GNAO1: variants seen among roughly 807,000 people sequenced by gnomAD.
GNAO1 encodes the protein G protein subunit alpha o1.
For synonymous variants in GNAO1, 164 were observed against 180.7 expected (o/e 0.91, Z 0.74); for missense variants, 166 against 478.7 (o/e 0.35, Z 6.10).
Position 56,326,093 on chromosome 16 carries a change from A to G in GNAO1, c.304-2538A>G, listed in dbSNP as rs1343369238. On this transcript the variant is annotated intron_variant, in intron 3 of 8. Coordinates refer to ENST00000262493, the MANE Select transcript of GNAO1 (RefSeq NM_020988.3). The surrounding 1 kb of genome is among the most constrained non-coding windows in gnomAD (Gnocchi z 4.8). ...GACTGGAAGCTGGCCTGGGCTCCAC[A>G]GGACTCAGGGTCCAGCACACTCCTG... 6.6e-6 allele frequency among the ~76,000 whole-genome samples: 1 copy of G among 152,180 alleles called. No homozygotes were observed. The highest frequency in any genetic ancestry group is 1.5e-5 in the Non-Finnish European group (1 of 68,038).
intron 2 of GNAO1, among the ~76,000 whole-genome samples, chr16:56,194,849 A>G (rs1238790349): frequency 1.3e-5 from 2 of 152,224 alleles, no homozygotes; most frequent in Admixed American, 1.3e-4. Flanking sequence ...TTTTATTCAA[A>G]GAGAGCTGAG....
In GNAO1 at chr16:56,191,886, A is replaced by C; in HGVS notation, c.-350A>C. ...TCCGGCTGCGGCTCCAGCCTCGACTATTATTTTATTTATTTTGGGTCGTGC... is the reference window on the plus strand; with the variant it reads ...TCCGGCTGCGGCTCCAGCCTCGACTCTTATTTTATTTATTTTGGGTCGTGC... On this transcript the variant is annotated 5_prime_UTR_variant, in exon 1 of 9. Transcript: ENST00000262493. This position sits in a 1 kb window ranked among gnomAD's most constrained non-coding sequence, Gnocchi z 4.7. 1 of 198,636 alleles carries C rather than the reference A, an allele frequency of 5.0e-6. No individual in the cohort carries two copies. 12.3% of individuals were successfully genotyped at this position (198,636 alleles called of 1,614,324 possible).
At chr16:56,292,688 T>G (rs2587876) in intron 3 of GNAO1, among the ~76,000 whole-genome samples, 6,142 of 152,286 alleles carry the variant, frequency 0.04, 334 homozygotes, top group African/African-American at 0.11. Flanking sequence ...ATGGAGCTGT[T>G]CGCTGTCTTC....
At chr16:56,257,453 G>A (rs770767373) in intron 2 of GNAO1, among the ~76,000 whole-genome samples, 8 of 152,132 alleles carry the variant, frequency 5.3e-5, no homozygotes, top group Non-Finnish European at 8.8e-5. Flanking sequence ...TTAGTGTTCC[G>A]TGTGTCTGAC....
chr16:56,354,824 G>T lies in GNAO1; in HGVS notation c.878-42G>T, dbSNP rs143939694. ...GTCCCCAGCCCTGTCCACCCACAGC[G>T]CTCATCAGGGCCTCTCCCCGTTCTT... On this transcript the variant is annotated intron_variant, in intron 7 of 8. Transcript: ENST00000262493. This position sits in a 1 kb window ranked among gnomAD's most constrained non-coding sequence, Gnocchi z 4.3. The T allele has an allele frequency of 3.9e-6, 5 of 1,294,852 alleles. No homozygotes were observed. The South Asian group carries it at 6.1e-5, about 16-fold the overall frequency. 80.2% of individuals were successfully genotyped at this position (1,294,852 alleles called of 1,614,324 possible). A position where few individuals can be genotyped will look rare whatever the true frequency, so the allele number is the denominator to read the frequency against.
At position 56,351,762 on chromosome 16, in the gene GNAO1, G is replaced by T; in HGVS notation, c.877+225G>T. On this transcript the variant is annotated intron_variant, in intron 7 of 8. Coordinates refer to ENST00000262493, the MANE Select transcript of GNAO1 (RefSeq NM_020988.3). This position sits in a 1 kb window ranked among gnomAD's most constrained non-coding sequence, Gnocchi z 6.1. The stretch of plus-strand genomic sequence containing the variant: ...AAATGGCCCCTCCTAAGATATATGT[G>T]TTAGGACCAAGTGACTCAGGAGTGG... The T allele has an allele frequency of 1.9e-6, 1 of 528,060 alleles. No homozygotes were observed. Among genetic ancestry groups the T allele is most frequent in the African/African-American group, 1.9e-5 (1 of 52,532 alleles). 32.7% of individuals were successfully genotyped at this position (528,060 alleles called of 1,614,324 possible). A position where few individuals can be genotyped will look rare whatever the true frequency, so the allele number is the denominator to read the frequency against.
chr16:56,338,548 T>C (rs1056915833), intron 6 of GNAO1, among the ~76,000 whole-genome samples: 1 of 152,206 alleles, frequency 6.6e-6, no homozygotes, highest in Non-Finnish European at 1.5e-5. Flanking sequence ...GCTCATCTTT[T>C]TTCCCCCATG....
At chr16:56,214,001 G>A (rs182527612) in intron 2 of GNAO1, among the ~76,000 whole-genome samples, 5 of 152,252 alleles carry the variant, frequency 3.3e-5, no homozygotes, top group Admixed American at 3.3e-4. Context: ...GGGCTTGGGG[G>A]TGGTGTCCTG....
Position 56,355,025 on chromosome 16 carries a change from A to T in GNAO1, c.1037A>T (p.Asn346Ile), listed in dbSNP as rs372737966. The T allele has an allele frequency of 6.2e-7, 1 of 1,613,612 alleles. No individual in the cohort carries two copies. Among genetic ancestry groups the T allele is most frequent in the Non-Finnish European group, 8.5e-7 (1 of 1,179,648 alleles). ...GCCGTCACCGACATCATCATTGCCA[A>T]CAACCTCCGGGGCTGCGGCTTGTAC... Reference protein sequence around the residue: ...FDAVTDIIIANNLRGCGLY With the variant: ...FDAVTDIIIAINLRGCGLY The change falls in exon 8 of 9, where the codon AAC becomes ATC. Residue 346 changes from asparagine (N) to isoleucine (I), a missense_variant. Coordinates refer to ENST00000262493, the MANE Select transcript of GNAO1 (RefSeq NM_020988.3).
intron 3 of GNAO1, among the ~76,000 whole-genome samples, chr16:56,312,337 A>G (rs554380686): frequency 2.4e-4 from 36 of 152,364 alleles, no homozygotes; most frequent in African/African-American, 8.4e-4. Context: ...TGAACATCAA[A>G]TGGAGTAAGC....
chr16:56,312,296 G>A (rs969416921), intron 3 of GNAO1, among the ~76,000 whole-genome samples: 12 of 152,236 alleles, frequency 7.9e-5, no homozygotes, highest in African/African-American at 2.7e-4. Context: ...CGGTTTGTCT[G>A]AGTATAAAAT....
intron 2 of GNAO1, chr16:56,270,818 T>C (rs1336086837): frequency 1.3e-5 from 2 of 152,122 alleles, no homozygotes; most frequent in African/African-American, 4.8e-5. Flanking sequence ...CTCAAAAGTA[T>C]GGGGTGGGCT....
chr16:56,214,612 A>G (rs1334187231), intron 2 of GNAO1, among the ~76,000 whole-genome samples: 3 of 152,224 alleles, frequency 2.0e-5, no homozygotes, highest in African/African-American at 7.2e-5. Flanking sequence ...CAAAAATCCT[A>G]TCTAAGTAGT....
intron 3 of GNAO1, among the ~76,000 whole-genome samples, chr16:56,292,539 T>G (rs1365254607): frequency 2.6e-5 from 4 of 152,114 alleles, no homozygotes; most frequent in African/African-American, 9.7e-5. Context: ...TTTTTGTATT[T>G]TTTGTAGAGA....
chr16:56,268,786 A>G (rs1464981945), intron 2 of GNAO1, among the ~76,000 whole-genome samples: 10 of 152,206 alleles, frequency 6.6e-5, no homozygotes, highest in African/African-American at 2.4e-4. Flanking sequence ...ACAGCTGCAC[A>G]GGACACACAC....
rs1397980188 is a variant in GNAO1, at chr16:56,351,685, G to C, written c.877+148G>C. The C allele has an allele frequency of 1.6e-6, 1 of 643,358 alleles. No homozygotes were observed. The highest frequency in any genetic ancestry group is 1.8e-5 in the African/African-American group (1 of 54,690). 39.9% of individuals were successfully genotyped at this position (643,358 alleles called of 1,614,324 possible). A position where few individuals can be genotyped will look rare whatever the true frequency, so the allele number is the denominator to read the frequency against. Reference sequence around the variant, plus strand: ...ACTGGTGGGGCGCAAAAGAAAAACAGTGCTGTGCCACCAGGTTTGGGCTTC... The same window carrying C: ...ACTGGTGGGGCGCAAAAGAAAAACACTGCTGTGCCACCAGGTTTGGGCTTC... On this transcript the variant is annotated intron_variant, in intron 7 of 8. Transcript: ENST00000262493. This position sits in a 1 kb window ranked among gnomAD's most constrained non-coding sequence, Gnocchi z 6.1.
intron 2 of GNAO1, among the ~76,000 whole-genome samples, chr16:56,275,106 G>A (rs1027836318): frequency 5.9e-5 from 9 of 152,332 alleles, no homozygotes; most frequent in South Asian, 4.2e-4. Flanking sequence ...CCACAGAAGA[G>A]TTTACATAGT....
At chr16:56,194,756 C>T (rs2036216616) in intron 2 of GNAO1, among the ~76,000 whole-genome samples, 1 of 152,248 alleles carries the variant, frequency 6.6e-6, no homozygotes, top group South Asian at 2.1e-4. Context: ...ACTGCTTTTC[C>T]TGAACATGCC....
intron 4 of GNAO1, among the ~76,000 whole-genome samples, chr16:56,330,299 C>A (rs1181369602): frequency 2.0e-5 from 3 of 152,162 alleles, no homozygotes; most frequent in African/African-American, 7.2e-5. Context: ...CAGCTGCCCT[C>A]CTCCCTTCTT....
Sources: allele counts gnomAD v4.1 joint callset (sites outside exome capture counted in the v4.1 genomes callset), GRCh38; gene constraint gnomAD v4.1.1; non-coding constraint Gnocchi (gnomAD v3.1); transcripts MANE v1.5; gene names NCBI Gene and HGNC (gene_info 2026-07-23, HGNC 2026-07-21).